Variants in EFR3B observed in about 807,000 individuals in gnomAD.
The protein encoded by EFR3B is protein EFR3 homolog B.
Under a neutral mutation model 104.7 loss-of-function variants are expected in EFR3B, and 64 were observed. That is an observed-to-expected ratio of 0.61 (90% CI 0.50 to 0.75). The LOEUF (loss-of-function observed/expected upper bound fraction) is 0.75. Ranked by LOEUF, EFR3B falls within the 30% of genes least tolerant of loss-of-function variation. EFR3B has a pLI of 0.00. For missense variants in EFR3B, 750 were observed against 1,078.5 expected, an observed-to-expected ratio of 0.70 and a Z score of 4.27; for synonymous variants, 385 against 417.9, an observed-to-expected ratio of 0.92 and a Z score of 0.96.
intron 3 of EFR3B, among the ~76,000 whole-genome samples, chr2:25,097,517 G>A (rs1167612592): frequency 2.6e-5 from 4 of 152,148 alleles, no homozygotes; most frequent in Non-Finnish European, 4.4e-5. Flanking sequence ...CCCAGGGGCA[G>A]AACCACCCTC....
chr2:25,148,455 A>G (rs1368418788), intron 19 of EFR3B, among the ~76,000 whole-genome samples: 1 of 151,494 alleles, frequency 6.6e-6, no homozygotes, highest in African/African-American at 2.4e-5. Context: ...GGGTTTCACC[A>G]CGTTGACCAG....
chr2:25,131,820 C>T lies in EFR3B; in HGVS notation c.1056C>T (p.Thr352=), dbSNP rs1322600864. ...QLRLSIDYAL[T]GSYDGAVSLG... is the part of the protein sequence containing the mutation. Reference sequence around the variant, plus strand: ...GGCTCAGCATCGACTACGCGCTGACCGGGAGCTACGACGGGGCGGTCAGCC... The same window carrying T: ...GGCTCAGCATCGACTACGCGCTGACTGGGAGCTACGACGGGGCGGTCAGCC... The change falls in exon 10 of 23, where the codon ACC becomes ACT. Residue 352 remains threonine (T), a synonymous_variant. Coordinates refer to ENST00000403714, the MANE Select transcript of EFR3B (RefSeq NM_014971.2). The surrounding 1 kb of genome is among the most constrained non-coding windows in gnomAD (Gnocchi z 7.6). 5.2e-6 allele frequency: 8 copies of T among 1,549,694 alleles called. No individual in the cohort carries two copies. Among genetic ancestry groups the T allele is most frequent in the African/African-American group, 4.1e-5 (3 of 72,976 alleles).
intron 4 of EFR3B, among the ~76,000 whole-genome samples, chr2:25,104,124 G>A (rs1000016955): frequency 6.6e-6 from 1 of 152,070 alleles, no homozygotes; most frequent in Non-Finnish European, 1.5e-5. Context: ...AAGGCAGGTG[G>A]ATCACTTGAG....
At chr2:25,102,260 C>G (rs1048062320) in intron 3 of EFR3B, among the ~76,000 whole-genome samples, 4 of 152,108 alleles carry the variant, frequency 2.6e-5, no homozygotes, top group African/African-American at 4.8e-5. Flanking sequence ...TGGCATGGCC[C>G]TCTTTTTTGC....
chr2:25,116,631 A>AT (rs879647147), intron 4 of EFR3B, among the ~76,000 whole-genome samples: 166 of 146,262 alleles, frequency 1.1e-3, no homozygotes, highest in Middle Eastern at 3.6e-3. Context: ...CAAAAAAAAA[A>AT]TTTTTTTTTT....
chr2:25,069,769 T>C (rs1668442158), intron 1 of EFR3B, among the ~76,000 whole-genome samples: 1 of 152,226 alleles, frequency 6.6e-6, no homozygotes, highest in Admixed American at 6.5e-5. Flanking sequence ...CGATCTTGGC[T>C]CACTGCAACC....
chr2:25,115,546 A>G (rs751480818), intron 4 of EFR3B, among the ~76,000 whole-genome samples: 18 of 152,230 alleles, frequency 1.2e-4, no homozygotes, highest in Admixed American at 2.0e-4. Flanking sequence ...TGATGCGTCA[A>G]TAGGTGTCTC....
chr2:25,046,297 A>G (rs981524392), intron 1 of EFR3B, among the ~76,000 whole-genome samples: 15 of 151,222 alleles, frequency 9.9e-5, no homozygotes, highest in Non-Finnish European at 1.9e-4. Context: ...AGGCAGGAGA[A>G]TTGCTTGAAC....
intron 4 of EFR3B, among the ~76,000 whole-genome samples, chr2:25,106,804 G>A (rs190810336): frequency 2.0e-5 from 3 of 152,096 alleles, no homozygotes; most frequent in African/African-American, 4.8e-5. Flanking sequence ...GGCTGGTCTC[G>A]AACTCCTGAC....
chr2:25,129,324 GC>G (rs1397868457), intron 6 of EFR3B, among the ~76,000 whole-genome samples: 1 of 132,854 alleles, frequency 7.5e-6, no homozygotes, highest in East Asian at 2.3e-4. Flanking sequence ...GTCGACGGGG[GC>G]GGGGGCGGGG....
At chr2:25,073,721 A>T (rs2149175867) in intron 1 of EFR3B, among the ~76,000 whole-genome samples, 1 of 152,240 alleles carries the variant, frequency 6.6e-6, no homozygotes, top group South Asian at 2.1e-4. Context: ...AGGAGCTCCC[A>T]GGCAAGCTTA....
chr2:25,060,905 G>A (rs953237303), intron 1 of EFR3B, among the ~76,000 whole-genome samples: 16 of 145,844 alleles, frequency 1.1e-4, no homozygotes, highest in African/African-American at 3.6e-4. Context: ...TGGGCGACAC[G>A]ACGAGACTCC....
intron 1 of EFR3B, among the ~76,000 whole-genome samples, chr2:25,089,071 G>A (rs530870795): frequency 1.3e-3 from 196 of 152,304 alleles, no homozygotes; most frequent in Admixed American, 2.2e-3. Context: ...AGAGAGGGAA[G>A]GATATAGCAA....
At chr2:25,116,336 G>A (rs568499758) in intron 4 of EFR3B, among the ~76,000 whole-genome samples, 9 of 152,182 alleles carry the variant, frequency 5.9e-5, no homozygotes, top group Admixed American at 5.2e-4. Flanking sequence ...TAAAGAAAAG[G>A]AAACAGGCCA....
rs543441866 is a variant in EFR3B at position 25,105,163 on chromosome 2, A to T, written c.363+1376A>T. Among the ~76,000 whole-genome samples the T allele has an allele frequency of 1.4e-3, 219 of 151,780 alleles. 1 individual carries two copies. Among genetic ancestry groups the T allele is most frequent in the African/African-American group, 5.1e-3 (213 of 41,388 alleles). Reference sequence around the variant, plus strand: ...TGAATTTTTATTATTTTATTTTATTATTTTTTTTAGACTGAGCCTCGCTCT... The same window carrying T: ...TGAATTTTTATTATTTTATTTTATTTTTTTTTTTAGACTGAGCCTCGCTCT... On this transcript the variant is annotated intron_variant, in intron 4 of 22. Transcript: ENST00000403714.
chr2:25,138,179 A>AAAAAATT (rs1670570971), intron 15 of EFR3B, among the ~76,000 whole-genome samples: 1 of 152,210 alleles, frequency 6.6e-6, no homozygotes, highest in Non-Finnish European at 1.5e-5. Context: ...CTAAAAATTT[A>AAAAAATT]AAAAATTAAA....
chr2:25,131,930 CCGGGGCGGGG>C lies in EFR3B; in HGVS notation c.1147+26_1147+35del. ...ACCGTGGGTGCGGCGCGGGGCCGGG[CCGGGGCGGGG>C]CGGGGCCGAGGCGCGGAGTGGGGAG... On this transcript the variant is annotated intron_variant, in intron 10 of 22. Coordinates refer to ENST00000403714, the MANE Select transcript of EFR3B (RefSeq NM_014971.2). The surrounding 1 kb of genome is among the most constrained non-coding windows in gnomAD (Gnocchi z 7.6). 8.2e-7 allele frequency: 1 copy of C among 1,221,282 alleles called. No individual in the cohort carries two copies. The highest frequency in any genetic ancestry group is 1.1e-6 in the Non-Finnish European group (1 of 950,382). 75.7% of individuals were successfully genotyped at this position (1,221,282 alleles called of 1,614,324 possible). A position where few individuals can be genotyped will look rare whatever the true frequency, so the allele number is the denominator to read the frequency against.
At position 25,131,679 on chromosome 2, in the gene EFR3B, G is replaced by A; in HGVS notation, c.986-71G>A. 1 of 1,478,732 alleles carries A rather than the reference G, an allele frequency of 6.8e-7. No individual in the cohort carries two copies. Among genetic ancestry groups the A allele is most frequent in the Non-Finnish European group, 9.0e-7 (1 of 1,109,438 alleles). The allele number at this position is 1,478,732 out of a possible 1,614,324, so 91.6% of individuals were successfully genotyped here. ...CTGGAAGGGGGCGTGACCCTGCCCT[G>A]CCTGCGCGCGGTGCACAGAGGAGGA... On this transcript the variant is annotated intron_variant, in intron 9 of 22. Transcript: ENST00000403714. The surrounding 1 kb of genome is among the most constrained non-coding windows in gnomAD (Gnocchi z 7.6).
rs773320701 is a variant in EFR3B at position 25,059,875 on chromosome 2, CAAAAAAAAAAAAAAAA to C, written c.7+17567_7+17582del. Among the ~76,000 whole-genome samples the C allele has an allele frequency of 2.1e-4, 10 of 48,748 alleles. No homozygotes were observed. The South Asian group carries it at 3.0e-3, about 15-fold the overall frequency. The allele number at this position is 48,748 out of a possible 152,430, so 32.0% of individuals were successfully genotyped here. A position where few individuals can be genotyped will look rare whatever the true frequency, so the allele number is the denominator to read the frequency against. ...GGGCAACAAGAGCAAAACTCTGTCT[CAAAAAAAAAAAAAAAA>C]AAAAAAAAAAGACTAAAATGGGCCA... On this transcript the variant is annotated intron_variant, in intron 1 of 22. Coordinates refer to ENST00000403714, the MANE Select transcript of EFR3B (RefSeq NM_014971.2).
Sources: allele counts gnomAD v4.1 joint callset (sites outside exome capture counted in the v4.1 genomes callset), GRCh38; gene constraint gnomAD v4.1.1; non-coding constraint Gnocchi (gnomAD v3.1); transcripts MANE v1.5; gene names NCBI Gene and HGNC (gene_info 2026-07-23, HGNC 2026-07-21).